The following GNL3L variants were observed in gnomAD, a reference collection of about 807,000 sequenced individuals.
GNL3L encodes guanine nucleotide-binding protein-like 3-like protein.
A neutral mutation model predicts 42.9 loss-of-function variants in GNL3L; 4 were observed. That is an observed-to-expected ratio of 0.09 (90% CI 0.05 to 0.21). The LOEUF (loss-of-function observed/expected upper bound fraction) is 0.21. Among genes scored for constraint, GNL3L ranks in the 10% least tolerant of loss-of-function variants. GNL3L has a pLI of 1.00. For synonymous variants in GNL3L, 159 were observed against 176.3 expected (o/e 0.90, Z 0.78); for missense variants, 412 against 481.7 (o/e 0.86, Z 1.36).
At chrX:54,611,927 C>T (rs1926165440) in intron 16 of GNL3L, among the ~76,000 whole-genome samples, 1 of 112,154 alleles carries the variant, frequency 8.9e-6, no homozygotes, top group African/African-American at 3.2e-5. Flanking sequence ...CTGTATATAT[C>T]TGTTAAGTCA....
At chrX:54,621,458 A>G (rs1398383445) in exon 17 of GNL3L, among the ~76,000 whole-genome samples, 1 of 112,144 alleles carries the variant, frequency 8.9e-6, no homozygotes, top group Non-Finnish European at 1.9e-5. Flanking sequence ...CTGACATCTA[A>G]CTACAACTGC....
chrX:54,534,804 C>G (rs1226207047), intron 2 of GNL3L, among the ~76,000 whole-genome samples: 1 of 110,827 alleles, frequency 9.0e-6, no homozygotes, highest in African/African-American at 3.3e-5. Context: ...TCCCTCCCCC[C>G]TTCTCTTCTC....
At chrX:54,625,703 A>G (rs1926352153), downstream of GNL3L, among the ~76,000 whole-genome samples, 1 of 111,221 alleles carries the variant, frequency 9.0e-6, no homozygotes, top group African/African-American at 3.3e-5. Flanking sequence ...AAAATATCTA[A>G]TGGTAGAGAA....
At chrX:54,545,373 G>GTT (rs201304612) in intron 8 of GNL3L, among the ~76,000 whole-genome samples, 6 of 98,332 alleles carry the variant, frequency 6.1e-5, no homozygotes, top group East Asian at 3.2e-4. Context: ...TAAGTTTTGT[G>GTT]TTTTTTTTTT....
chrX:54,557,222 C>T (rs1384863707), intron 14 of GNL3L, among the ~76,000 whole-genome samples: 1 of 108,953 alleles, frequency 9.2e-6, no homozygotes, highest in East Asian at 2.9e-4. Flanking sequence ...TTTCTCTGTC[C>T]CAGCATTGCC....
intron 16 of GNL3L, among the ~76,000 whole-genome samples, chrX:54,572,907 A>G (rs1179885534): frequency 4.4e-5 from 4 of 90,115 alleles, no homozygotes; most frequent in African/African-American, 1.3e-4. Flanking sequence ...CATCCCAGAC[A>G]GGGCGGCGGG....
downstream of GNL3L, among the ~76,000 whole-genome samples, chrX:54,567,355 T>TA (rs1421108300): frequency 1.8e-5 from 2 of 109,376 alleles, no homozygotes; most frequent in East Asian, 5.7e-4. Context: ...CTACACTGAG[T>TA]AAGAGTGGTG....
In GNL3L at chrX:54,563,188, C is replaced by T. The variant is rs900726030; in HGVS notation, c.*2586C>T. 9.0e-6 allele frequency among the ~76,000 whole-genome samples: 1 copy of T among 111,261 alleles called. No individual in the cohort carries two copies. The highest frequency in any genetic ancestry group is 1.9e-5 in the Non-Finnish European group (1 of 53,142). On this transcript the variant is annotated 3_prime_UTR_variant, in exon 16 of 16. Transcript: ENST00000360845. Reference sequence around the variant, plus strand: ...CAGCTAAGTCTATTTTGCAACCATACAGCGTTTCATAATTTAGCATTTAAA... The same window carrying T: ...CAGCTAAGTCTATTTTGCAACCATATAGCGTTTCATAATTTAGCATTTAAA...
At position 54,614,090 on chromosome X, in the gene GNL3L, G is replaced by A. The variant is rs151240250; in HGVS notation, c.*46-6755G>A. Among the ~76,000 whole-genome samples the A allele has an allele frequency of 6.4e-3, 703 of 110,424 alleles. 1 individual carries two copies. The highest frequency in any genetic ancestry group is 0.011 in the Non-Finnish European group (592 of 52,791). ...CTGAGCTCACACTCTCCTTGGGTGG[G>A]CCTTGCTGTGGGTCTGTGGAGGGTG... On this transcript the variant is annotated intron_variant, in intron 16 of 16. Coordinates refer to the GNL3L transcript ENST00000674498.
chrX:54,628,887 G>A, the GNL3L span, among the ~76,000 whole-genome samples: 5 of 84,008 alleles, frequency 6.0e-5, no homozygotes, highest in East Asian at 3.5e-4. Flanking sequence ...TTTCCTCTTC[G>A]TTTTTGTATT....
intron 16 of GNL3L, among the ~76,000 whole-genome samples, chrX:54,617,557 T>G: frequency 8.9e-6 from 1 of 112,135 alleles, no homozygotes; most frequent in East Asian, 2.8e-4. Context: ...TTTCAGAAAC[T>G]TCTCTGGTTG....
intron 16 of GNL3L, among the ~76,000 whole-genome samples, chrX:54,618,281 C>A (rs1170425798): frequency 9.0e-6 from 1 of 111,722 alleles, no homozygotes; most frequent in Admixed American, 9.5e-5. Context: ...TCATCTTCAT[C>A]CCCCTAGTCC....
intron 16 of GNL3L, among the ~76,000 whole-genome samples, chrX:54,572,681 G>T (rs747881577): frequency 1.8e-5 from 2 of 108,593 alleles, no homozygotes; most frequent in South Asian, 8.0e-4. Context: ...CCTGGCGGGG[G>T]GCTGACCCCC....
chrX:54,590,179 C>A lies in GNL3L; in HGVS notation c.*45+29532C>A, dbSNP rs760129469. On this transcript the variant is annotated intron_variant, in intron 16 of 16. Transcript: ENST00000674498. Reference sequence around the variant, plus strand: ...GGTCTTGAACTCCTGACTTTGTGATCCGCCCGCCTCGGCCTCCCAAAGTGC... The same window carrying A: ...GGTCTTGAACTCCTGACTTTGTGATACGCCCGCCTCGGCCTCCCAAAGTGC... Among the ~76,000 whole-genome samples, 3 of 111,607 alleles carry A rather than the reference C, an allele frequency of 2.7e-5. No individual in the cohort carries two copies. In the South Asian group the frequency reaches 1.1e-3, roughly 42 times the overall value.
chrX:54,602,505 A>G (rs1926015540), intron 16 of GNL3L, among the ~76,000 whole-genome samples: 4 of 110,736 alleles, frequency 3.6e-5, no homozygotes, highest in Non-Finnish European at 3.8e-5. Flanking sequence ...GTCCACCACA[A>G]TTATACCTTT....
chrX:54,635,746 A>AG, the GNL3L span, among the ~76,000 whole-genome samples: 2 of 109,617 alleles, frequency 1.8e-5, no homozygotes, highest in South Asian at 7.7e-4. Flanking sequence ...AAAAAAAAAA[A>AG]AAAATCAATC....
intron 9 of GNL3L, among the ~76,000 whole-genome samples, chrX:54,548,597 A>AT (rs1569542079): frequency 9.0e-6 from 1 of 111,180 alleles, no homozygotes; most frequent in Non-Finnish European, 1.9e-5. Context: ...GTACCATCTC[A>AT]TCCTATCAGA....
At chrX:54,636,254 G>A in the GNL3L span, among the ~76,000 whole-genome samples, 307 of 112,279 alleles carry the variant, frequency 2.7e-3, 1 homozygote, top group African/African-American at 8.7e-3. Flanking sequence ...CAAGTTTCCC[G>A]CAGGAGAATG....
Position 54,602,834 on chromosome X carries a change from T to A in GNL3L, c.*46-18011T>A, listed in dbSNP as rs145832751. On this transcript the variant is annotated intron_variant, in intron 16 of 16. Coordinates refer to the GNL3L transcript ENST00000674498. ...GTCCTACTGACACAAGAAAACAAAGTCTGCCTACAATCTTAGCAAACTTTG... is the reference window on the plus strand; with the variant it reads ...GTCCTACTGACACAAGAAAACAAAGACTGCCTACAATCTTAGCAAACTTTG... Among the ~76,000 whole-genome samples, 254 of 111,401 alleles carry A rather than the reference T, an allele frequency of 2.3e-3. 1 individual carries two copies. The highest frequency in any genetic ancestry group is 7.7e-3 in the African/African-American group (236 of 30,646).
Sources: gnomAD v4.1 joint callset for allele counts (sites outside exome capture counted in the v4.1 genomes callset) on GRCh38, gnomAD v4.1.1 for gene constraint, MANE v1.5 for transcripts, NCBI Gene and HGNC (gene_info 2026-07-23, HGNC 2026-07-21) for gene names.